Variants in CDH19 observed in about 807,000 individuals in gnomAD.
CDH19 encodes the protein cadherin 19.
A neutral mutation model predicts 64.2 loss-of-function variants in CDH19; 67 were observed. That is an observed-to-expected ratio of 1.04 (90% CI 0.86 to 1.28). The LOEUF is 1.28. CDH19 is among the 50% of genes most tolerant of loss of function. The pLI, the probability that CDH19 is intolerant of heterozygous loss-of-function variation, is 0.00. For synonymous variants in CDH19, 346 were observed against 319.3 expected (o/e 1.08, Z -0.89); for missense variants, 1,030 against 929.0 (o/e 1.11, Z -1.41).
intron 9 of CDH19, among the ~76,000 whole-genome samples, chr18:66,517,673 T>G (rs1598972572): frequency 6.6e-6 from 1 of 152,086 alleles, no homozygotes; most frequent in African/African-American, 2.4e-5. Flanking sequence ...TAGATAGATA[T>G]AAGACATCCT....
At chr18:66,525,204 G>C (rs1425189108) in intron 9 of CDH19, among the ~76,000 whole-genome samples, 2 of 152,012 alleles carry the variant, frequency 1.3e-5, no homozygotes, top group African/African-American at 4.8e-5. Context: ...TTATTGTTAA[G>C]ATTATGGTGA....
intron 1 of CDH19, among the ~76,000 whole-genome samples, chr18:66,584,387 G>A (rs1170878062): frequency 1.3e-5 from 2 of 151,946 alleles, no homozygotes; most frequent in Admixed American, 6.6e-5. Context: ...TTACACTGTC[G>A]GTGAGAGTAT....
chr18:66,507,459 T>G (rs1194645979), intron 11 of CDH19, among the ~76,000 whole-genome samples: 1 of 151,814 alleles, frequency 6.6e-6, no homozygotes, highest in African/African-American at 2.4e-5. Flanking sequence ...TTTGAAGTTT[T>G]GAGGGAGGCA....
At chr18:66,559,490 C>T (rs142985818) in intron 3 of CDH19, among the ~76,000 whole-genome samples, 18 of 150,976 alleles carry the variant, frequency 1.2e-4, no homozygotes, top group East Asian at 3.9e-4. Flanking sequence ...GCAGTTATAA[C>T]GCATTTATAG....
chr18:66,568,191 CT>C (rs1477265314), intron 3 of CDH19, among the ~76,000 whole-genome samples: 1 of 151,722 alleles, frequency 6.6e-6, no homozygotes, highest in Non-Finnish European at 1.5e-5. Context: ...ATCTAAACTT[CT>C]TTTATTCCTG....
chr18:66,575,828 C>A (rs1441226648), intron 1 of CDH19, among the ~76,000 whole-genome samples: 1 of 151,614 alleles, frequency 6.6e-6, no homozygotes, highest in Non-Finnish European at 1.5e-5. Context: ...ATTATAATAT[C>A]ATTAAAGGAG....
intron 9 of CDH19, among the ~76,000 whole-genome samples, chr18:66,526,006 T>C (rs1034066480): frequency 6.6e-6 from 1 of 152,106 alleles, no homozygotes; most frequent in African/African-American, 2.4e-5. Context: ...AAATTGACCT[T>C]CCTTTTATTT....
At chr18:66,522,038 C>T (rs376000657) in intron 9 of CDH19, among the ~76,000 whole-genome samples, 1 of 151,592 alleles carries the variant, frequency 6.6e-6, no homozygotes, top group Non-Finnish European at 1.5e-5. Flanking sequence ...GCTCCGCCTC[C>T]CGGGTTCACG....
intron 4 of CDH19, 41 bp from the exon 5 acceptor site, chr18:66,551,299 T>A: frequency 9.3e-7 from 1 of 1,074,474 alleles, no homozygotes; most frequent in Non-Finnish European, 1.4e-6. Flanking sequence ...TCATTATTAA[T>A]CATGACAAAG....
chr18:66,531,704 ATACTT>A (rs1402316779), intron 8 of CDH19, among the ~76,000 whole-genome samples: 2 of 152,128 alleles, frequency 1.3e-5, no homozygotes, highest in African/African-American at 4.8e-5. Flanking sequence ...TTTGAGAAAA[ATACTT>A]AACCAGAATG....
intron 1 of CDH19, among the ~76,000 whole-genome samples, chr18:66,577,591 C>G (rs1255272565): frequency 6.6e-6 from 1 of 151,896 alleles, no homozygotes; most frequent in Non-Finnish European, 1.5e-5. Context: ...AGATGAAATA[C>G]TTGTAATTTC....
chr18:66,602,628 T>C (rs538466661), intron 1 of CDH19, among the ~76,000 whole-genome samples: 5 of 152,016 alleles, frequency 3.3e-5, no homozygotes, highest in Admixed American at 6.6e-5. Flanking sequence ...AATTTACTAA[T>C]GTGTAAGACT....
At chr18:66,522,435 A>G (rs542539374) in intron 9 of CDH19, among the ~76,000 whole-genome samples, 1 of 152,090 alleles carries the variant, frequency 6.6e-6, no homozygotes, top group African/African-American at 2.4e-5. Flanking sequence ...TTTTTAGTAG[A>G]GACGGGGGTG....
intron 3 of CDH19, among the ~76,000 whole-genome samples, chr18:66,567,968 G>A (rs75200966): frequency 0.02 from 3,018 of 151,764 alleles, 39 homozygotes; most frequent in Non-Finnish European, 0.034. Flanking sequence ...CAACCACTTA[G>A]TTTTGTCTTA....
At chr18:66,591,581 A>C (rs1255388640) in intron 1 of CDH19, among the ~76,000 whole-genome samples, 1 of 151,928 alleles carries the variant, frequency 6.6e-6, no homozygotes, top group African/African-American at 2.4e-5. Context: ...ACTTATAAAA[A>C]CTAAGAGAGT....
intron 5 of CDH19, among the ~76,000 whole-genome samples, chr18:66,548,044 T>C (rs538729474): frequency 3.0e-4 from 44 of 147,324 alleles, no homozygotes; most frequent in South Asian, 1.5e-3. Context: ...GTGTATTATA[T>C]ATATTATATA....
At chr18:66,550,311 A>C (rs1001763564) in intron 5 of CDH19, among the ~76,000 whole-genome samples, 2 of 152,170 alleles carry the variant, frequency 1.3e-5, no homozygotes, top group African/African-American at 4.8e-5. Context: ...AAATTATTAG[A>C]GCAGGTGTGG....
intron 10 of CDH19, among the ~76,000 whole-genome samples, chr18:66,509,647 A>G (rs911221350): frequency 6.6e-6 from 1 of 151,792 alleles, no homozygotes; most frequent in South Asian, 2.1e-4. Flanking sequence ...AATAATTTAT[A>G]GGGACTACCA....
chr18:66,532,278 T>TAA (rs71897488), intron 8 of CDH19: 20 of 147,822 alleles, frequency 1.4e-4, no homozygotes, highest in South Asian at 4.2e-4. Context: ...CTCTTTTTCA[T>TAA]AAAAAAAAAA....
Sources: gnomAD v4.1 joint callset for allele counts (sites outside exome capture counted in the v4.1 genomes callset) on GRCh38, gnomAD v4.1.1 for gene constraint, MANE v1.5 for transcripts, NCBI Gene and HGNC (gene_info 2026-07-23, HGNC 2026-07-21) for gene names.